Variants in DNAH6 observed in about 807,000 individuals in gnomAD.
The protein encoded by DNAH6 is dynein axonemal heavy chain 6.
DNAH6 carries 340 observed loss-of-function variants against 491.4 expected under a neutral mutation model. The ratio of observed to expected loss-of-function variants is 0.69; its 90% CI spans 0.63 to 0.76. The LOEUF (loss-of-function observed/expected upper bound fraction) is 0.76. Ranked by LOEUF, DNAH6 falls within the 30% of genes least tolerant of loss-of-function variation. The pLI, the probability that DNAH6 is intolerant of heterozygous loss-of-function variation, is 0.00. For synonymous variants in DNAH6, 1,603 were observed against 1,686.1 expected (o/e 0.95, Z 1.21); for missense variants, 4,443 against 4,972.2 (o/e 0.89, Z 3.20).
chr2:84,678,973 C>T (rs1164494705), intron 41 of DNAH6, among the ~76,000 whole-genome samples: 1 of 152,158 alleles, frequency 6.6e-6, no homozygotes, highest in African/African-American at 2.4e-5. Flanking sequence ...CTTCATTTTT[C>T]ATCACATCCC....
At chr2:84,523,421 G>T (rs1019056141) in intron 2 of DNAH6, among the ~76,000 whole-genome samples, 21 of 151,728 alleles carry the variant, frequency 1.4e-4, no homozygotes, top group African/African-American at 2.2e-4. Context: ...TGGATTTTTT[G>T]ATCTTTTCCA....
rs1211662010 is a variant in DNAH6 at position 84,694,487 on chromosome 2, G to A, written c.7524+7G>A. 1 of 1,545,204 alleles carries A rather than the reference G, an allele frequency of 6.5e-7. No individual in the cohort carries two copies. The highest frequency in any genetic ancestry group is 2.4e-5 in the East Asian group (1 of 40,886). ...CCTTTTCACTGACACCCAGGTGTGT[G>A]TTTAAATAGCCCATGGGTGAGAACA... is the stretch of plus-strand genomic sequence containing the variant. On this transcript the variant is annotated splice_region_variant and intron_variant, in intron 46 of 76. Coordinates refer to ENST00000389394, the MANE Select transcript of DNAH6 (RefSeq NM_001370.2).
In DNAH6 at chr2:84,654,675, G is replaced by T; in HGVS notation, c.5650G>T (p.Val1884Phe). The T allele has an allele frequency of 6.4e-7, 1 of 1,550,804 alleles. No individual in the cohort carries two copies. The highest frequency in any genetic ancestry group is 8.7e-7 in the Non-Finnish European group (1 of 1,146,262). The change falls in exon 35 of 77, where the codon GTT becomes TTT. Residue 1884 changes from valine (V) to phenylalanine (F), a missense_variant. This residue lies in a region of DNAH6 where 2,977 missense variants were observed against 3,296.6 expected (regional missense o/e 0.90). Transcript: ENST00000389394. ...TCAACTTTAGGTGCAAGATCTGCGG[G>T]TTGCCTCCCCTGCAACAGTCAGTCG... is the stretch of plus-strand genomic sequence containing the variant. ...HMLFEVQDLR[V>F]ASPATVSRCG...
chr2:84,636,479 C>G (rs1208801265), intron 30 of DNAH6, among the ~76,000 whole-genome samples: 2 of 152,152 alleles, frequency 1.3e-5, no homozygotes, highest in African/African-American at 4.8e-5. Context: ...TGATTGCAGA[C>G]AGCAAGCCTG....
Position 84,699,657 on chromosome 2 carries a change from G to A in DNAH6, c.7741G>A (p.Val2581Ile), listed in dbSNP as rs547447813. Residue 2581 changes from valine to isoleucine, a missense_variant, in exon 48 of 77, where the codon GTT becomes ATT. By Grantham distance (29) the Val-to-Ile change is conservative. This residue lies in a region of DNAH6 where 2,977 missense variants were observed against 3,296.6 expected (regional missense o/e 0.90). Coordinates refer to ENST00000389394, the MANE Select transcript of DNAH6 (RefSeq NM_001370.2). Reference protein sequence around the residue: ...KLHIVLCMSPVGEAFRSRCRM... With the variant: ...KLHIVLCMSPIGEAFRSRCRM... The stretch of plus-strand genomic sequence containing the variant: ...GCACATTGTTCTCTGCATGAGCCCA[G>A]TTGGGGAGGCCTTTCGGTCCCGATG... 26 of 1,551,678 alleles carry A rather than the reference G, an allele frequency of 1.7e-5. No homozygotes were observed. Among genetic ancestry groups the A allele is most frequent in the Non-Finnish European group, 2.3e-5 (26 of 1,147,002 alleles).
At chr2:84,695,238 A>C (rs1472480185) in intron 46 of DNAH6, among the ~76,000 whole-genome samples, 1 of 152,174 alleles carries the variant, frequency 6.6e-6, no homozygotes, top group African/African-American at 2.4e-5. Context: ...TCCAGAAAAC[A>C]AAGGGCTTTA....
At chr2:84,503,021 C>G in the DNAH6 span, among the ~76,000 whole-genome samples, 3 of 151,976 alleles carry the variant, frequency 2.0e-5, no homozygotes, top group South Asian at 2.1e-4. Context: ...TAAGCACTTA[C>G]TCCTGCCATT....
chr2:84,786,020 C>A (rs1677141606), intron 67 of DNAH6, among the ~76,000 whole-genome samples: 1 of 152,128 alleles, frequency 6.6e-6, no homozygotes, highest in African/African-American at 2.4e-5. Context: ...TCAACAAGCA[C>A]AAAATAGATT....
chr2:84,797,344 C>G (rs911870935), intron 69 of DNAH6, among the ~76,000 whole-genome samples, 193 bp from the exon 70 acceptor site: 1 of 152,168 alleles, frequency 6.6e-6, no homozygotes, highest in East Asian at 1.9e-4. Context: ...TAATGAGATT[C>G]TCAAGGCCTG....
chr2:84,549,840 G>A (rs201116899), intron 8 of DNAH6, 49 bp from the exon 9 acceptor site: 335 of 1,361,192 alleles, frequency 2.5e-4, no homozygotes, highest in Non-Finnish European at 3.2e-4. Context: ...TCAAAAATAT[G>A]TAGTGAATAT....
chr2:84,759,488 G>A (rs1406435707), intron 63 of DNAH6, among the ~76,000 whole-genome samples: 4 of 151,546 alleles, frequency 2.6e-5, no homozygotes, highest in South Asian at 4.2e-4. Context: ...CAGCCTGGGC[G>A]ACAGAGCAAG....
At chr2:84,467,087 C>T in the DNAH6 span, among the ~76,000 whole-genome samples, 1 of 152,148 alleles carries the variant, frequency 6.6e-6, no homozygotes, top group African/African-American at 2.4e-5. Flanking sequence ...GCATTTATTC[C>T]AATGTTCAGT....
At chr2:84,585,645 C>T (rs899149416) in intron 15 of DNAH6, among the ~76,000 whole-genome samples, 6 of 151,998 alleles carry the variant, frequency 3.9e-5, no homozygotes, top group South Asian at 2.1e-4. Flanking sequence ...CTGGTTTTCC[C>T]GATGTATGCC....
At chr2:84,468,323 A>G in the DNAH6 span, among the ~76,000 whole-genome samples, 1 of 152,184 alleles carries the variant, frequency 6.6e-6, no homozygotes, top group Non-Finnish European at 1.5e-5. Context: ...GCCGGTTTTT[A>G]AGTTTCTTAA....
intron 7 of DNAH6, 104 bp downstream of exon 7, chr2:84,547,716 T>G (rs1205001522): frequency 1.6e-6 from 2 of 1,214,614 alleles, no homozygotes; most frequent in Non-Finnish European, 1.1e-6. Context: ...ATTCTATGTT[T>G]GAATTGTTCC....
At chr2:84,716,097 G>A (rs1558951461) in intron 58 of DNAH6, among the ~76,000 whole-genome samples, 1 of 149,398 alleles carries the variant, frequency 6.7e-6, no homozygotes, top group African/African-American at 2.5e-5. Flanking sequence ...GTATATATAT[G>A]TATATATGTG....
rs549377464 is a variant in DNAH6 at position 84,709,391 on chromosome 2, G to A, written c.9097G>A (p.Asp3033Asn). The change falls in exon 55 of 77, where the codon GAT becomes AAT. Residue 3033 changes from aspartate (D) to asparagine (N), a missense_variant. Coordinates refer to ENST00000389394, the MANE Select transcript of DNAH6 (RefSeq NM_001370.2). ...CTGTCAGTCTCTGGAGATCCCAATC[G>A]ATCCTTCCTTCAGTCTCATTAACAT... Reference protein sequence around the residue: ...QDCQSLEIPIDPSFSLINILG... With the variant: ...QDCQSLEIPINPSFSLINILG... The A allele has an allele frequency of 2.9e-5, 45 of 1,551,598 alleles. No individual in the cohort carries two copies. The highest frequency in any genetic ancestry group is 2.7e-4 in the East Asian group (11 of 40,914).
chr2:84,716,383 TG>T (rs1697542118), intron 58 of DNAH6, among the ~76,000 whole-genome samples: 1 of 151,804 alleles, frequency 6.6e-6, no homozygotes. Context: ...TATACACATA[TG>T]TATGTATATA....
the DNAH6 span, among the ~76,000 whole-genome samples, chr2:84,503,256 G>T: frequency 1.3e-5 from 2 of 152,018 alleles, no homozygotes; most frequent in Admixed American, 1.3e-4. Context: ...AACAAACAAA[G>T]GAAGAGAAAA....
Sources: allele counts gnomAD v4.1 joint callset (sites outside exome capture counted in the v4.1 genomes callset), GRCh38; gene constraint gnomAD v4.1.1; regional missense constraint gnomAD v4.1.1; transcripts MANE v1.5; gene names NCBI Gene and HGNC (gene_info 2026-07-23, HGNC 2026-07-21).